Variants in RAB31 observed in about 807,000 individuals in gnomAD.
RAB31 encodes the protein ras-related protein Rab-31.
Under a neutral mutation model 25.6 loss-of-function variants are expected in RAB31, and 21 were observed. That is an observed-to-expected ratio of 0.82 (90% CI 0.58 to 1.18). The LOEUF (loss-of-function observed/expected upper bound fraction) is 1.18, where lower values mean the gene tolerates loss of function less well. RAB31 is among the 50% of genes most tolerant of loss of function. The pLI is 0.00. For missense variants in RAB31, 196 were observed against 250.1 expected, an observed-to-expected ratio of 0.78 and a Z score of 1.46; for synonymous variants, 87 against 84.0, an observed-to-expected ratio of 1.04 and a Z score of -0.20.
chr18:9,805,778 T>C (rs2068537369), intron 3 of RAB31, among the ~76,000 whole-genome samples: 2 of 152,226 alleles, frequency 1.3e-5, no homozygotes, highest in Admixed American at 1.3e-4. Context: ...GTCTTAATTA[T>C]ATCAACTGAA....
rs116648228 is a variant in RAB31, at chr18:9,801,799, G to A, written c.201+9564G>A. On this transcript the variant is annotated intron_variant, in intron 3 of 6. Transcript: ENST00000578921. Reference sequence around the variant, plus strand: ...TTTACTCCTGCATTTTCTTCTGAGAGTTTTATAGTCTTAGCTCTCACTTTT... The same window carrying A: ...TTTACTCCTGCATTTTCTTCTGAGAATTTTATAGTCTTAGCTCTCACTTTT... 2.9e-3 allele frequency among the ~76,000 whole-genome samples: 447 copies of A among 152,314 alleles called. 1 individual carries two copies. The highest frequency in any genetic ancestry group is 0.01 in the African/African-American group (422 of 41,566).
At chr18:9,719,387 A>T (rs556576400) in intron 1 of RAB31, among the ~76,000 whole-genome samples, 1 of 140,750 alleles carries the variant, frequency 7.1e-6, no homozygotes, top group African/African-American at 2.6e-5. Flanking sequence ...GTGAAATGAT[A>T]CATGCTGTTG....
chr18:9,709,249 C>CGGCT (rs1239188219), intron 1 of RAB31, among the ~76,000 whole-genome samples: 1 of 152,186 alleles, frequency 6.6e-6, no homozygotes, highest in Admixed American at 6.5e-5. Flanking sequence ...CGCAGGGAGC[C>CGGCT]GCTGGCGAAC....
chr18:9,749,572 C>T (rs1161996162), intron 1 of RAB31, among the ~76,000 whole-genome samples: 3 of 152,148 alleles, frequency 2.0e-5, no homozygotes, highest in Non-Finnish European at 4.4e-5. Context: ...GTGTGCCCTA[C>T]GTTTCACATT....
chr18:9,839,370 A>G (rs1452243810), intron 5 of RAB31, among the ~76,000 whole-genome samples: 1 of 152,208 alleles, frequency 6.6e-6, no homozygotes, highest in Non-Finnish European at 1.5e-5. Context: ...TTGATTCTCC[A>G]GCAATCAGAA....
chr18:9,793,821 C>T (rs1160079876), intron 3 of RAB31, among the ~76,000 whole-genome samples: 1 of 152,150 alleles, frequency 6.6e-6, no homozygotes, highest in Non-Finnish European at 1.5e-5. Flanking sequence ...ACTCAAATGT[C>T]ACCTTCTCTA....
chr18:9,742,341 A>G (rs2145472802), intron 1 of RAB31, among the ~76,000 whole-genome samples: 1 of 152,294 alleles, frequency 6.6e-6, no homozygotes, highest in African/African-American at 2.4e-5. Flanking sequence ...AGTTCCTGGC[A>G]GGAACAGTCC....
intron 1 of RAB31, among the ~76,000 whole-genome samples, chr18:9,755,993 T>C (rs574413867): frequency 6.6e-6 from 1 of 152,386 alleles, no homozygotes; most frequent in Admixed American, 6.5e-5. Flanking sequence ...AGATGAGGGC[T>C]TAGTAATTTC....
intron 5 of RAB31, among the ~76,000 whole-genome samples, chr18:9,832,290 G>A (rs1034052578): frequency 1.3e-5 from 2 of 152,184 alleles, no homozygotes; most frequent in Non-Finnish European, 2.9e-5. Flanking sequence ...TCTGCTCAAG[G>A]GTTCAGAAGG....
At chr18:9,826,502 G>C (rs990379714) in intron 5 of RAB31, among the ~76,000 whole-genome samples, 28 of 115,260 alleles carry the variant, frequency 2.4e-4, no homozygotes, top group African/African-American at 9.3e-4. Flanking sequence ...GGGCCTCTCT[G>C]CCCCCTTTCA....
At chr18:9,818,209 G>T (rs1319623011) in intron 5 of RAB31, among the ~76,000 whole-genome samples, 2 of 152,158 alleles carry the variant, frequency 1.3e-5, no homozygotes, top group Admixed American at 1.3e-4. Context: ...CATTTAATAT[G>T]TTGTATTGAG....
chr18:9,737,594 C>A (rs12966005), intron 1 of RAB31, among the ~76,000 whole-genome samples: 17,941 of 152,050 alleles, frequency 0.12, 1,430 homozygotes, highest in South Asian at 0.16. Context: ...TCCTCTCCTG[C>A]GGCTCTTCTG....
chr18:9,759,097 T>C (rs1175415737), intron 1 of RAB31, among the ~76,000 whole-genome samples: 2 of 152,094 alleles, frequency 1.3e-5, no homozygotes, highest in Non-Finnish European at 2.9e-5. Context: ...GGAATAGACG[T>C]TCAGACATGA....
chr18:9,858,622 A>G lies in RAB31; in HGVS notation c.491-606A>G, dbSNP rs2068831058. On this transcript the variant is annotated intron_variant, in intron 6 of 6. Transcript: ENST00000578921. ...AATTTTTAAAATTAAGTTAAGTAAA[A>G]ATAAGATTACTTGTGGATGACATTA... 2.6e-5 allele frequency among the ~76,000 whole-genome samples: 4 copies of G among 152,188 alleles called. No individual in the cohort carries two copies. In the South Asian group the frequency reaches 8.3e-4, roughly 31 times the overall value.
At position 9,860,190 on chromosome 18, in the gene RAB31, A is replaced by G. The variant is rs2068840234; in HGVS notation, c.*865A>G. 1 of 152,214 alleles carries G rather than the reference A, an allele frequency of 6.6e-6. No individual in the cohort carries two copies. Among genetic ancestry groups the G allele is most frequent in the African/African-American group, 2.4e-5 (1 of 41,430 alleles). 9.4% of individuals were successfully genotyped at this position (152,214 alleles called of 1,614,324 possible). A position where few individuals can be genotyped will look rare whatever the true frequency, so the allele number is the denominator to read the frequency against. On this transcript the variant is annotated 3_prime_UTR_variant, in exon 7 of 7. Coordinates refer to ENST00000578921, the MANE Select transcript of RAB31 (RefSeq NM_006868.4). ...CATAGTATTATTTTACTAAGAGAATATCTCTTGGTGTCATATCTAGGGGAA... is the reference window on the plus strand; with the variant it reads ...CATAGTATTATTTTACTAAGAGAATGTCTCTTGGTGTCATATCTAGGGGAA...
chr18:9,814,117 G>C (rs1305788089), intron 4 of RAB31, 26 bp downstream of exon 4: 9 of 1,498,696 alleles, frequency 6.0e-6, no homozygotes, highest in Non-Finnish European at 8.3e-6. Flanking sequence ...TCAGAATTTA[G>C]ATGTCATTTA....
chr18:9,725,365 A>G (rs1021056082), intron 1 of RAB31, among the ~76,000 whole-genome samples: 3 of 152,330 alleles, frequency 2.0e-5, no homozygotes, highest in South Asian at 4.1e-4. Flanking sequence ...TACATAAATT[A>G]TGACATTAAT....
intron 2 of RAB31, among the ~76,000 whole-genome samples, chr18:9,788,504 C>A (rs4798852): frequency 0.82 from 125,217 of 152,186 alleles, 53,213 homozygotes; most frequent in Non-Finnish European, 0.94. Flanking sequence ...GGTTTCTCAA[C>A]AAAGCTAAAA....
intron 1 of RAB31, among the ~76,000 whole-genome samples, chr18:9,773,056 C>T (rs887402147): frequency 5.9e-5 from 9 of 152,108 alleles, no homozygotes; most frequent in Non-Finnish European, 1.0e-4. Flanking sequence ...TCGATTTGCA[C>T]GATGCAGATA....
Sources: gnomAD v4.1 joint callset for allele counts (sites outside exome capture counted in the v4.1 genomes callset) on GRCh38, gnomAD v4.1.1 for gene constraint, MANE v1.5 for transcripts, NCBI Gene and HGNC (gene_info 2026-07-23, HGNC 2026-07-21) for gene names.